Variants in APPL2 observed in about 807,000 individuals in gnomAD.
APPL2 encodes adaptor protein, phosphotyrosine interacting with PH domain and leucine zipper 2, also known as DCC-interacting protein 13-beta.
Under a neutral mutation model 92.7 loss-of-function variants are expected in APPL2, and 84 were observed. That is an observed-to-expected ratio of 0.91 (90% confidence interval 0.76 to 1.09). The LOEUF is 1.09. Ranked by LOEUF, APPL2 falls within the 50% of genes least tolerant of loss-of-function variation. The probability of loss-of-function intolerance (pLI) is 0.00; values close to 1 mark genes in which losing one functional copy is unlikely to be tolerated. For missense variants in APPL2, 736 were observed against 824.5 expected, an observed-to-expected ratio of 0.89 and a Z score of 1.31; for synonymous variants, 291 against 291.0, an observed-to-expected ratio of 1.00 and a Z score of 0.00.
Position 105,236,070 on chromosome 12 carries a change from C to A in APPL2, c.-58G>T. 2.5e-6 allele frequency: 3 copies of A among 1,181,438 alleles called. No individual in the cohort carries two copies. The highest frequency in any genetic ancestry group is 3.2e-6 in the Non-Finnish European group (3 of 942,362). The allele number at this position is 1,181,438 out of a possible 1,614,324, so 73.2% of individuals were successfully genotyped here. A position where few individuals can be genotyped will look rare whatever the true frequency, so the allele number is the denominator to read the frequency against. On this transcript the variant is annotated 5_prime_UTR_variant, in exon 1 of 21. Coordinates refer to ENST00000258530, the MANE Select transcript of APPL2 (RefSeq NM_018171.5). ...GAAGGACAGAGGGCAGGAGACGCGG[C>A]GGCCGAGAGCACTCCCCGGCTCTGG...
rs1885244973 is a variant in APPL2 at position 105,174,144 on chromosome 12, C to A, written c.*170G>T. The A allele has an allele frequency of 1.3e-6, 1 of 759,250 alleles. No homozygotes were observed. The highest frequency in any genetic ancestry group is 2.3e-5 in the South Asian group (1 of 44,400). The allele number at this position is 759,250 out of a possible 1,614,324, so 47.0% of individuals were successfully genotyped here. A position where few individuals can be genotyped will look rare whatever the true frequency, so the allele number is the denominator to read the frequency against. On this transcript the variant is annotated 3_prime_UTR_variant, in exon 21 of 21. Coordinates refer to ENST00000258530, the MANE Select transcript of APPL2 (RefSeq NM_018171.5). ...GTAGATGGGTGGGAACGCTGTCAAC[C>A]ATTTCTTAGTTTCCCTCCCAAGTCT...
In APPL2 at chr12:105,179,816, C is replaced by T. The variant is rs555970393; in HGVS notation, c.1635-2554G>A. On this transcript the variant is annotated intron_variant, in intron 17 of 20. Transcript: ENST00000258530. ...TTCATATCCTTCACCCACTTTTTGA[C>T]GGGGTTGTTTTATTCTTGTAAATGT... 1.2e-3 allele frequency among the ~76,000 whole-genome samples: 180 copies of T among 152,092 alleles called. 1 individual carries two copies. The highest frequency in any genetic ancestry group is 5.5e-4 in the African/African-American group (23 of 41,500).
At position 105,207,126 on chromosome 12, in the gene APPL2, T is replaced by C. The variant is rs1340069809; in HGVS notation, c.556A>G (p.Asn186Asp). Reference protein sequence around the residue: ...LSSLQYYCALNALQYRKQMAM... With the variant: ...LSSLQYYCALDALQYRKQMAM... The stretch of plus-strand genomic sequence containing the variant: ...ATTTGCTTTCTGTACTGCAGCGCGT[T>C]GAGGGCACAGTAGTACTGAAGGGAG... Residue 186 changes from asparagine (N) to aspartate (D), a missense_variant, in exon 8 of 21, where the codon AAC (asparagine) becomes GAC (aspartate). By Grantham distance (23) the Asn-to-Asp change is conservative. Coordinates refer to ENST00000258530, the MANE Select transcript of APPL2 (RefSeq NM_018171.5). 3.1e-6 allele frequency: 5 copies of C among 1,614,038 alleles called. No homozygotes were observed. The highest frequency in any genetic ancestry group is 4.2e-6 in the Non-Finnish European group (5 of 1,180,028).
intron 16 of APPL2, among the ~76,000 whole-genome samples, chr12:105,188,745 C>A (rs1886947214): frequency 6.6e-6 from 1 of 152,214 alleles, no homozygotes; most frequent in African/African-American, 2.4e-5. Flanking sequence ...TAGGTGACTA[C>A]ATTGTACCTT....
chr12:105,224,264 G>A (rs1890334027), intron 2 of APPL2, among the ~76,000 whole-genome samples: 2 of 152,142 alleles, frequency 1.3e-5, no homozygotes, highest in South Asian at 2.1e-4. Context: ...CTGGTTTTCA[G>A]GGCTGCTAAA....
At chr12:105,222,161 T>A (rs991327190) in intron 2 of APPL2, among the ~76,000 whole-genome samples, 2 of 152,054 alleles carry the variant, frequency 1.3e-5, no homozygotes, top group African/African-American at 2.4e-5. Flanking sequence ...GGCTGGAGCG[T>A]CTCATGCGAG....
intron 2 of APPL2, among the ~76,000 whole-genome samples, chr12:105,228,678 G>A (rs1890701911): frequency 6.6e-6 from 1 of 152,118 alleles, no homozygotes; most frequent in Admixed American, 6.5e-5. Flanking sequence ...AAACAAAGAA[G>A]CCACCCGATA....
chr12:105,209,700 TCAG>T (rs1304339762), intron 5 of APPL2, among the ~76,000 whole-genome samples: 1 of 152,220 alleles, frequency 6.6e-6, no homozygotes, highest in Non-Finnish European at 1.5e-5. Flanking sequence ...GACACAATCA[TCAG>T]CAGATGACTG....
intron 1 of APPL2, chr12:105,233,342 A>G: frequency 4.1e-6 from 4 of 985,498 alleles, no homozygotes; most frequent in Non-Finnish European, 4.8e-6. Context: ...TAAAATGTTC[A>G]GCTTCCCACA....
intron 17 of APPL2, among the ~76,000 whole-genome samples, chr12:105,181,604 G>A (rs1344906549): frequency 1.3e-5 from 2 of 152,060 alleles, no homozygotes; most frequent in Non-Finnish European, 2.9e-5. Flanking sequence ...CTTTTTTTTG[G>A]TTGGTAGGCT....
intron 4 of APPL2, among the ~76,000 whole-genome samples, chr12:105,216,265 G>C (rs1238975268): frequency 6.6e-6 from 1 of 152,030 alleles, no homozygotes; most frequent in African/African-American, 2.4e-5. Flanking sequence ...TGTAACCCCA[G>C]CACTTTGGGA....
intron 14 of APPL2, 112 bp downstream of exon 14, chr12:105,195,149 A>C (rs1001717164): frequency 6.6e-6 from 7 of 1,060,890 alleles, no homozygotes; most frequent in Admixed American, 6.2e-5. Flanking sequence ...GCTTCTGTTA[A>C]ACAGGCTGAA....
At chr12:105,187,173 G>A (rs1047842410) in intron 17 of APPL2, among the ~76,000 whole-genome samples, 4 of 152,186 alleles carry the variant, frequency 2.6e-5, no homozygotes, top group Non-Finnish European at 5.9e-5. Context: ...AGGACATAGT[G>A]AAAGAACAGG....
chr12:105,184,287 A>G (rs1349055835), intron 17 of APPL2, among the ~76,000 whole-genome samples: 1 of 152,230 alleles, frequency 6.6e-6, no homozygotes, highest in Non-Finnish European at 1.5e-5. Context: ...TTCTCCGTCC[A>G]ATTTTGTTCC....
At chr12:105,227,341 T>C (rs1890588728) in intron 2 of APPL2, among the ~76,000 whole-genome samples, 1 of 152,162 alleles carries the variant, frequency 6.6e-6, no homozygotes, top group African/African-American at 2.4e-5. Flanking sequence ...AGTTTGCCTA[T>C]CTATATCTCC....
At chr12:105,231,101 T>A (rs536762922) in intron 1 of APPL2, among the ~76,000 whole-genome samples, 1 of 152,372 alleles carries the variant, frequency 6.6e-6, no homozygotes, top group East Asian at 1.9e-4. Flanking sequence ...AAATTGTGGT[T>A]GTGACCCACT....
chr12:105,186,408 C>T (rs564163756), intron 17 of APPL2, among the ~76,000 whole-genome samples: 4 of 151,922 alleles, frequency 2.6e-5, no homozygotes, highest in Non-Finnish European at 4.4e-5. Context: ...ATTATTTCCA[C>T]CATTTGGATA....
intron 4 of APPL2, among the ~76,000 whole-genome samples, chr12:105,214,201 T>A (rs910466207): frequency 2.0e-5 from 3 of 152,046 alleles, no homozygotes; most frequent in Non-Finnish European, 2.9e-5. Flanking sequence ...AATAAAAAAA[T>A]AAAAACCATA....
intron 8 of APPL2, among the ~76,000 whole-genome samples, chr12:105,204,354 C>T: frequency 6.6e-6 from 1 of 152,322 alleles, no homozygotes; most frequent in Admixed American, 6.5e-5. Flanking sequence ...GCCTCCCTTT[C>T]CTGGCATGGC....
Sources: allele counts gnomAD v4.1 joint callset (sites outside exome capture counted in the v4.1 genomes callset), GRCh38; gene constraint gnomAD v4.1.1; transcripts MANE v1.5; gene names NCBI Gene and HGNC (gene_info 2026-07-23, HGNC 2026-07-21).